Variants in STRIP2 observed in about 807,000 individuals in gnomAD.
STRIP2 encodes the protein striatin-interacting protein 2.
In STRIP2, 84 loss-of-function variants were observed where a neutral mutation model predicts 107.1. The ratio of observed to expected loss-of-function variants is 0.78; its 90% CI spans 0.66 to 0.94. STRIP2 has a LOEUF of 0.94. Ranked by LOEUF, STRIP2 falls within the 40% of genes least tolerant of loss-of-function variation. STRIP2 has a pLI of 0.00. For synonymous variants in STRIP2, 394 were observed against 400.4 expected (o/e 0.98, Z 0.19); for missense variants, 888 against 1,034.2 (o/e 0.86, Z 1.94).
intron 2 of STRIP2, among the ~76,000 whole-genome samples, chr7:129,441,931 A>G (rs1797909356): frequency 6.6e-6 from 1 of 152,216 alleles, no homozygotes; most frequent in East Asian, 1.9e-4. Context: ...ATGTTTCAGT[A>G]TCAATAAATG....
intron 3 of STRIP2, among the ~76,000 whole-genome samples, chr7:129,448,167 G>A (rs1798088061): frequency 6.6e-6 from 1 of 152,108 alleles, no homozygotes; most frequent in South Asian, 2.1e-4. Context: ...ATGAGTCTGG[G>A]GGCCCACTGT....
intron 5 of STRIP2, 67 bp downstream of exon 5, chr7:129,453,414 T>C (rs888936718): frequency 6.3e-6 from 10 of 1,595,282 alleles, no homozygotes; most frequent in African/African-American, 1.3e-5. Context: ...TCATGTTCTA[T>C]GCTGCTTCCC....
At position 129,459,528 on chromosome 7, in the gene STRIP2, C is replaced by T; in HGVS notation, c.1352C>T (p.Thr451Ile). Residue 451 changes from threonine (T) to isoleucine (I), a missense_variant, in exon 12 of 21, where the codon ACA (threonine) becomes ATA (isoleucine). Thr to Ile is a moderately conservative substitution (Grantham distance 89). Transcript: ENST00000249344. ...IGFTLGQDTD[T>I]LVGLPRPIHE... ...CTGGCCTTTTACAGGGACACAGATA[C>T]ATTGGTTGGATTACCCAGGCCCATC... 1 of 1,613,922 alleles carries T rather than the reference C, an allele frequency of 6.2e-7. No homozygotes were observed. The highest frequency in any genetic ancestry group is 1.1e-5 in the South Asian group (1 of 91,048).
At position 129,440,043 on chromosome 7, in the gene STRIP2, C is replaced by G; in HGVS notation, c.151C>G (p.Leu51Val). 6.2e-7 allele frequency: 1 copy of G among 1,614,108 alleles called. No homozygotes were observed. Among genetic ancestry groups the G allele is most frequent in the Non-Finnish European group, 8.5e-7 (1 of 1,180,012 alleles). ...ESEGSVDCPT[L>V]EFEYGDADGH... ...ACAGGGCTCTGTGGACTGTCCCACT[C>G]TGGAGTTTGAGTATGGAGATGCAGA... The change falls in exon 2 of 21, where the codon CTG becomes GTG. Residue 51 changes from leucine to valine, a missense_variant. Transcript: ENST00000249344.
At position 129,464,047 on chromosome 7, in the gene STRIP2, G is replaced by T; in HGVS notation, c.1555G>T (p.Ala519Ser). The T allele has an allele frequency of 6.2e-7, 1 of 1,612,934 alleles. No homozygotes were observed. The highest frequency in any genetic ancestry group is 8.5e-7 in the Non-Finnish European group (1 of 1,179,524). The change falls in exon 15 of 21, where the codon GCT (alanine) becomes TCT (serine). Residue 519 changes from alanine (A) to serine (S), a missense_variant. By Grantham distance (99) the Ala-to-Ser change is moderately conservative (BLOSUM62 1). Transcript: ENST00000249344. ...MLYSLPQYMIALLKILLAAAP... is the reference protein window; with the variant it reads ...MLYSLPQYMISLLKILLAAAP... ...TTCTTTATTTTCTACTTCTCAGATCGCTCTGCTTAAGATTCTGCTGGCTGC... is the reference window on the plus strand; with the variant it reads ...TTCTTTATTTTCTACTTCTCAGATCTCTCTGCTTAAGATTCTGCTGGCTGC...
At chr7:129,470,953 C>CT (rs1798776386) in intron 18 of STRIP2, among the ~76,000 whole-genome samples, 1 of 152,156 alleles carries the variant, frequency 6.6e-6, no homozygotes, top group Non-Finnish European at 1.5e-5. Context: ...GTGAAAAACA[C>CT]TAAGGAGGAA....
chr7:129,440,084 G>C lies in STRIP2; in HGVS notation c.192G>C (p.Glu64Asp). 1 of 1,614,146 alleles carries C rather than the reference G, an allele frequency of 6.2e-7. No individual in the cohort carries two copies. The highest frequency in any genetic ancestry group is 8.5e-7 in the Non-Finnish European group (1 of 1,179,986). Residue 64 changes from glutamate (E) to aspartate (D), a missense_variant, in exon 2 of 21, where the codon GAG becomes GAC. Physicochemically the swap from Glu to Asp is conservative, Grantham distance 45. Transcript: ENST00000249344. ...EYGDADGHAA[E>D]LSELYSYTEN... ...GAGATGCAGATGGGCATGCAGCCGA[G>C]TTGTCAGGTATGAGGTAGATGGGTC...
chr7:129,458,037 C>A lies in STRIP2; in HGVS notation c.1039-178C>A. ...CAGGGTTACCTGAGAACTTCTTGTC[C>A]TGTTATTGGGCCGGGTGGGGACAGT... On this transcript the variant is annotated intron_variant, in intron 9 of 20. Transcript: ENST00000249344. The surrounding 1 kb of genome is among the most constrained non-coding windows in gnomAD (Gnocchi z 4.6). 1 of 658,864 alleles carries A rather than the reference C, an allele frequency of 1.5e-6. No individual in the cohort carries two copies. Among genetic ancestry groups the A allele is most frequent in the Non-Finnish European group, 2.8e-6 (1 of 360,450 alleles). 40.8% of individuals were successfully genotyped at this position (658,864 alleles called of 1,614,324 possible). A position where few individuals can be genotyped will look rare whatever the true frequency, so the allele number is the denominator to read the frequency against.
intron 18 of STRIP2, among the ~76,000 whole-genome samples, chr7:129,474,395 T>G (rs961595725): frequency 6.6e-6 from 1 of 152,186 alleles, no homozygotes; most frequent in Non-Finnish European, 1.5e-5. Flanking sequence ...CTCAAATTCT[T>G]GGGCTTAGTG....
At chr7:129,481,931 G>T (rs920165016) in intron 19 of STRIP2, among the ~76,000 whole-genome samples, 2 of 151,984 alleles carry the variant, frequency 1.3e-5, no homozygotes, top group Non-Finnish European at 2.9e-5. Context: ...ACTTCGGAAG[G>T]CCAAGGTGGG....
At chr7:129,482,748 T>C (rs1223432908) in intron 19 of STRIP2, 94 bp from the exon 20 acceptor site, 1 of 1,447,788 alleles carries the variant, frequency 6.9e-7, no homozygotes, top group African/African-American at 1.4e-5. Context: ...TCCCCAGGAA[T>C]TTCTGAGGCT....
chr7:129,456,469 A>G lies in STRIP2; in HGVS notation c.865A>G (p.Thr289Ala). The G allele has an allele frequency of 1.2e-6, 2 of 1,612,628 alleles. No individual in the cohort carries two copies. The highest frequency in any genetic ancestry group is 1.7e-6 in the Non-Finnish European group (2 of 1,179,658). ...FTLGGFEHLQTLKVQKRAELG... is the reference protein window; with the variant it reads ...FTLGGFEHLQALKVQKRAELG... ...CCTCGGTGGATTTGAGCATCTGCAG[A>G]CTCTCAAAGTACAGAAGCGGGCAGA... Residue 289 changes from threonine (T) to alanine (A), a missense_variant, in exon 9 of 21, where the codon ACT becomes GCT. By Grantham distance (58) the Thr-to-Ala change is moderately conservative (BLOSUM62 0). Transcript: ENST00000249344.
chr7:129,462,173 G>C (rs1798556092), intron 13 of STRIP2, among the ~76,000 whole-genome samples: 1 of 152,212 alleles, frequency 6.6e-6, no homozygotes, highest in African/African-American at 2.4e-5. Context: ...GCCTTTTGGA[G>C]AGCAGGAAGG....
At chr7:129,480,008 A>G (rs1799077463) in intron 18 of STRIP2, among the ~76,000 whole-genome samples, 1 of 152,158 alleles carries the variant, frequency 6.6e-6, no homozygotes, top group African/African-American at 2.4e-5. Context: ...ACATTCTCCT[A>G]TCACATTGTA....
chr7:129,468,807 G>C (rs980983608), intron 17 of STRIP2, among the ~76,000 whole-genome samples: 2 of 152,168 alleles, frequency 1.3e-5, no homozygotes, highest in African/African-American at 4.8e-5. Context: ...ATGAAATGAC[G>C]TGTCATCCTG....
At chr7:129,435,101 G>T (rs1463097271) in intron 1 of STRIP2, among the ~76,000 whole-genome samples, 1 of 152,134 alleles carries the variant, frequency 6.6e-6, no homozygotes, top group Non-Finnish European at 1.5e-5. Context: ...CCCGTTCCCT[G>T]CCCGTCCCCT....
chr7:129,447,302 G>A (rs751603130), intron 3 of STRIP2, among the ~76,000 whole-genome samples: 5 of 152,214 alleles, frequency 3.3e-5, no homozygotes, highest in Non-Finnish European at 7.3e-5. Context: ...TAGGCATTGT[G>A]CTTCTTGGTT....
chr7:129,464,721 C>T lies in STRIP2; in HGVS notation c.1759C>T (p.Leu587Phe). ...TCTGCTACTCCTCAAACACTTCAAA[C>T]TCAACCATATCTACCAGGTGAGCAG... The part of the protein sequence containing the change: ...LLLLLLKHFK[L>F]NHIYQFEYVS... The change falls in exon 16 of 21, where the codon CTC (leucine) becomes TTC (phenylalanine). Residue 587 changes from leucine to phenylalanine, a missense_variant. Transcript: ENST00000249344. 6.2e-7 allele frequency: 1 copy of T among 1,614,208 alleles called. No homozygotes were observed. The highest frequency in any genetic ancestry group is 8.5e-7 in the Non-Finnish European group (1 of 1,180,022).
At position 129,460,386 on chromosome 7, in the gene STRIP2, G is replaced by A. The variant is rs199532554; in HGVS notation, c.1476+14G>A. 61 of 1,611,198 alleles carry A rather than the reference G, an allele frequency of 3.8e-5. No homozygotes were observed. The East Asian group carries it at 7.8e-4, about 21-fold the overall frequency. ...CCTATGTCTTTGGTGAGCCAAGGAA[G>A]CCCTACACAGGAGGAGAGTAGAAGA... On this transcript the variant is annotated intron_variant, in intron 13 of 20. Transcript: ENST00000249344.
Sources: allele counts gnomAD v4.1 joint callset (sites outside exome capture counted in the v4.1 genomes callset), GRCh38; gene constraint gnomAD v4.1.1; non-coding constraint Gnocchi (gnomAD v3.1); transcripts MANE v1.5; gene names NCBI Gene and HGNC (gene_info 2026-07-23, HGNC 2026-07-21).